The following CCDC171 variants were observed in gnomAD, a reference collection of about 807,000 sequenced individuals.
CCDC171 encodes the protein coiled-coil domain containing 171.
A neutral mutation model predicts 168.2 loss-of-function variants in CCDC171; 177 were observed. The observed-to-expected ratio is 1.05, with a 90% confidence interval of 0.93 to 1.19. The LOEUF is 1.19. Ranked by LOEUF, CCDC171 falls within the 50% of genes most tolerant of loss-of-function variation. CCDC171 has a pLI of 0.00. For synonymous variants in CCDC171, 687 were observed against 540.8 expected (o/e 1.27, Z -3.75); for missense variants, 1,991 against 1,539.0 (o/e 1.29, Z -4.91).
At chr9:15,770,394 T>C (rs2056951907) in intron 18 of CCDC171, among the ~76,000 whole-genome samples, 2 of 152,186 alleles carry the variant, frequency 1.3e-5, no homozygotes, top group South Asian at 4.1e-4. Context: ...ACAGAAAAAT[T>C]AGTTTCCTTT....
chr9:16,008,017 A>G lies in CCDC171; in HGVS notation n.369-12572A>G, dbSNP rs1203072983. Among the ~76,000 whole-genome samples, 7 of 152,132 alleles carry G rather than the reference A, an allele frequency of 4.6e-5. No homozygotes were observed. In the East Asian group the frequency reaches 1.3e-3, roughly 29 times the overall value. On this transcript the variant is annotated intron_variant and non_coding_transcript_variant, in intron 3 of 9. Coordinates refer to the CCDC171 transcript ENST00000486641. ...TATATGATTTGCAAATACCTTTTCCATTCTGTGGATTATCTTTTTACTTCT... is the reference window on the plus strand; with the variant it reads ...TATATGATTTGCAAATACCTTTTCCGTTCTGTGGATTATCTTTTTACTTCT...
At chr9:16,038,734 A>G (rs928222048), upstream of CCDC171, among the ~76,000 whole-genome samples, 12 of 152,082 alleles carry the variant, frequency 7.9e-5, no homozygotes, top group African/African-American at 2.9e-4. Context: ...AATGAACTAA[A>G]TGTATCTGTT....
At chr9:15,751,048 C>A (rs2055704514) in intron 18 of CCDC171, among the ~76,000 whole-genome samples, 1 of 152,196 alleles carries the variant, frequency 6.6e-6, no homozygotes, top group Non-Finnish European at 1.5e-5. Flanking sequence ...CCCAAAATCT[C>A]CTTAAGCTGA....
chr9:16,025,350 G>A (rs1833257132), intron 6 of CCDC171, among the ~76,000 whole-genome samples: 1 of 152,196 alleles, frequency 6.6e-6, no homozygotes, highest in East Asian at 1.9e-4. Flanking sequence ...GCTGAGGCAG[G>A]AGAATTGCTT....
At chr9:15,801,285 C>G (rs968949307) in intron 21 of CCDC171, among the ~76,000 whole-genome samples, 2 of 151,902 alleles carry the variant, frequency 1.3e-5, no homozygotes, top group African/African-American at 4.8e-5. Flanking sequence ...CTTTTCCATT[C>G]TTTCAATCAT....
At chr9:15,662,789 A>C (rs2382538) in intron 8 of CCDC171, among the ~76,000 whole-genome samples, 54,748 of 151,810 alleles carry the variant, frequency 0.36, 12,332 homozygotes, top group East Asian at 0.66. Context: ...CAGCCTGGCC[A>C]ACATGGTGAA....
chr9:15,996,294 C>T (rs1832370868), intron 3 of CCDC171, among the ~76,000 whole-genome samples: 1 of 152,036 alleles, frequency 6.6e-6, no homozygotes, highest in Admixed American at 6.6e-5. Flanking sequence ...TCGTGGGGAA[C>T]CTGCTGTTGG....
At chr9:16,047,024 A>T (rs1833672960) in intron 1 of CCDC171, among the ~76,000 whole-genome samples, 1 of 152,136 alleles carries the variant, frequency 6.6e-6, no homozygotes, top group Non-Finnish European at 1.5e-5. Flanking sequence ...GTAAGCATGG[A>T]CTCTAAGGAC....
At chr9:16,087,490 T>C in the CCDC171 span, among the ~76,000 whole-genome samples, 2 of 152,050 alleles carry the variant, frequency 1.3e-5, no homozygotes, top group Admixed American at 6.5e-5. Flanking sequence ...GTAATGCCCT[T>C]CTTTGTCTTT....
intron 1 of CCDC171, among the ~76,000 whole-genome samples, chr9:15,559,489 G>C (rs2039091834): frequency 6.6e-6 from 1 of 152,052 alleles, no homozygotes; most frequent in African/African-American, 2.4e-5. Context: ...TTATGTAATG[G>C]CCTTCTTTGT....
At chr9:16,039,658 T>C (rs1176164274), upstream of CCDC171, among the ~76,000 whole-genome samples, 1 of 152,200 alleles carries the variant, frequency 6.6e-6, no homozygotes. Context: ...TCCTCATTCT[T>C]ACATCTGCGT....
the CCDC171 span, among the ~76,000 whole-genome samples, chr9:16,103,271 G>C: frequency 6.6e-6 from 1 of 152,200 alleles, no homozygotes; most frequent in Non-Finnish European, 1.5e-5. Context: ...GTCACCAGCT[G>C]TTTGCAGCTA....
At chr9:15,594,279 G>T in intron 6 of CCDC171, 107 bp downstream of exon 6, 1 of 669,906 alleles carries the variant, frequency 1.5e-6, no homozygotes, top group Non-Finnish European at 2.4e-6. Context: ...ATAATTTCTA[G>T]TTTTGATTCT....
chr9:15,589,192 A>G (rs1444218703), intron 4 of CCDC171, among the ~76,000 whole-genome samples: 1 of 152,216 alleles, frequency 6.6e-6, no homozygotes, highest in East Asian at 1.9e-4. Context: ...ATATTGACAC[A>G]CATAGCCACC....
chr9:15,614,852 C>A (rs945181146), intron 6 of CCDC171, among the ~76,000 whole-genome samples: 4 of 152,112 alleles, frequency 2.6e-5, no homozygotes, highest in Non-Finnish European at 4.4e-5. Context: ...ATCCTTCCCC[C>A]TTCCCCATCT....
At chr9:15,960,254 T>C (rs973636310) in intron 25 of CCDC171, among the ~76,000 whole-genome samples, 2 of 152,208 alleles carry the variant, frequency 1.3e-5, no homozygotes, top group African/African-American at 4.8e-5. Flanking sequence ...AGGATGAAGA[T>C]TAGTTAAGGT....
intron 1 of CCDC171, among the ~76,000 whole-genome samples, chr9:16,056,442 C>G (rs1162125514): frequency 6.6e-6 from 1 of 152,138 alleles, no homozygotes; most frequent in Non-Finnish European, 1.5e-5. Context: ...GCCACACGAG[C>G]CTAGTGACTA....
At chr9:15,905,227 C>T (rs1386742005) in intron 24 of CCDC171, among the ~76,000 whole-genome samples, 6 of 152,130 alleles carry the variant, frequency 3.9e-5, no homozygotes, top group African/African-American at 1.2e-4. Flanking sequence ...ACATTCTTCT[C>T]AGCACCACAC....
At chr9:15,603,127 G>T (rs1284403100) in intron 6 of CCDC171, among the ~76,000 whole-genome samples, 4 of 151,610 alleles carry the variant, frequency 2.6e-5, no homozygotes, top group East Asian at 1.9e-4. Flanking sequence ...GCCTACAGGC[G>T]CCCGTCACCA....
Sources: allele counts gnomAD v4.1 joint callset (sites outside exome capture counted in the v4.1 genomes callset), GRCh38; gene constraint gnomAD v4.1.1; transcripts MANE v1.5; gene names NCBI Gene and HGNC (gene_info 2026-07-23, HGNC 2026-07-21).